The following COL5A1 variants were observed in gnomAD, a reference collection of about 807,000 sequenced individuals.
COL5A1 encodes collagen type V alpha 1 chain.
In COL5A1, 16 loss-of-function variants were observed where a neutral mutation model predicts 263.7. The observed-to-expected ratio is 0.06, with a 90% confidence interval of 0.04 to 0.09. The LOEUF (loss-of-function observed/expected upper bound fraction) is 0.09, where lower values mean the gene tolerates loss of function less well. Ranked by LOEUF, COL5A1 falls within the 10% of genes least tolerant of loss-of-function variation. The pLI, the probability that COL5A1 is intolerant of heterozygous loss-of-function variation, is 1.00. For synonymous variants in COL5A1, 1,012 were observed against 1,004.5 expected (o/e 1.01, Z -0.14); for missense variants, 2,036 against 2,540.5 (o/e 0.80, Z 4.27).
At chr9:134,715,869 G>A (rs1353752424) in intron 4 of COL5A1, among the ~76,000 whole-genome samples, 2 of 152,168 alleles carry the variant, frequency 1.3e-5, no homozygotes, top group Admixed American at 6.5e-5. Context: ...CACAGCAACA[G>A]TCTGATCTCT....
chr9:134,783,844 A>G lies in COL5A1; in HGVS notation c.2484+1124A>G, dbSNP rs79359561. Among the ~76,000 whole-genome samples, 188 of 152,338 alleles carry G rather than the reference A, an allele frequency of 1.2e-3. 1 individual carries two copies. The highest frequency in any genetic ancestry group is 4.3e-3 in the African/African-American group (180 of 41,588). On this transcript the variant is annotated intron_variant, in intron 29 of 65. Transcript: ENST00000371817. ...ATTCTAGAACTTCTTTCCTAGTAGA[A>G]GGCTCCTGAATCCCCACATCCCAGC...
Position 134,731,477 on chromosome 9 carries a change from C to T in COL5A1, c.1165-19C>T, listed in dbSNP as rs776226590. 15 of 1,613,630 alleles carry T rather than the reference C, an allele frequency of 9.3e-6. No individual in the cohort carries two copies. In the African/African-American group the frequency reaches 1.1e-4, roughly 11 times the overall value. The stretch of plus-strand genomic sequence containing the variant: ...GGTGCGTTTGCGAGGCAACCCTGCG[C>T]CTTCCTCTCCCTCTGCAGCCAGCTC... On this transcript the variant is annotated intron_variant, in intron 7 of 65. Coordinates refer to ENST00000371817, the MANE Select transcript of COL5A1 (RefSeq NM_000093.5).
chr9:134,703,314 C>T (rs935816328), intron 4 of COL5A1, among the ~76,000 whole-genome samples: 3 of 152,212 alleles, frequency 2.0e-5, no homozygotes, highest in South Asian at 2.1e-4. Context: ...GCACAGGAGC[C>T]GTCCTCAGCC....
chr9:134,671,636 G>A (rs2132514704), intron 1 of COL5A1, among the ~76,000 whole-genome samples: 1 of 152,352 alleles, frequency 6.6e-6, no homozygotes, highest in East Asian at 1.9e-4. Flanking sequence ...CCCCTCGGAT[G>A]GGTGTGAGGA....
chr9:134,739,490 G>A (rs768884917), intron 11 of COL5A1, among the ~76,000 whole-genome samples: 1 of 152,240 alleles, frequency 6.6e-6, no homozygotes, highest in African/African-American at 2.4e-5. Context: ...GGGTGTTCAC[G>A]CCAGGGCCCT....
rs1835941590 is a variant in COL5A1, at chr9:134,755,680, T to C, written c.1828-1085T>C. Among the ~76,000 whole-genome samples the C allele has an allele frequency of 6.6e-6, 1 of 152,256 alleles. No homozygotes were observed. Among genetic ancestry groups the C allele is most frequent in the Admixed American group, 6.5e-5 (1 of 15,288 alleles). On this transcript the variant is annotated intron_variant, in intron 16 of 65. Transcript: ENST00000371817. This position sits in a 1 kb window ranked among gnomAD's most constrained non-coding sequence, Gnocchi z 4.1. ...ACAATCTTCCCTTGGTTTCTAAAAG[T>C]GTTTGGAAATCTAGAAGAGGCTCCC...
At chr9:134,745,260 T>C (rs1263490540) in intron 11 of COL5A1, among the ~76,000 whole-genome samples, 1 of 152,142 alleles carries the variant, frequency 6.6e-6, no homozygotes, top group Non-Finnish European at 1.5e-5. Flanking sequence ...GAAAATCAAG[T>C]ACAGTTTGTG....
Position 134,743,240 on chromosome 9 carries a change from A to G in COL5A1, c.1494+4432A>G, listed in dbSNP as rs114037370. Reference sequence around the variant, plus strand: ...CCAGTGTTACTGTGGATTTGATTGCATTTTTCAGGATGCTGTGGCCAAACT... The same window carrying G: ...CCAGTGTTACTGTGGATTTGATTGCGTTTTTCAGGATGCTGTGGCCAAACT... On this transcript the variant is annotated intron_variant, in intron 11 of 65. Transcript: ENST00000371817. Among the ~76,000 whole-genome samples the G allele has an allele frequency of 2.9e-3, 440 of 152,138 alleles. 4 individuals are homozygous for G. Among genetic ancestry groups the G allele is most frequent in the African/African-American group, 9.9e-3 (413 of 41,520 alleles).
chr9:134,839,895 A>T (rs957664534), intron 65 of COL5A1, among the ~76,000 whole-genome samples: 2 of 152,026 alleles, frequency 1.3e-5, no homozygotes, highest in East Asian at 3.9e-4. Context: ...AGCTGTGGCC[A>T]CCCCCAGGCG....
chr9:134,689,944 A>T (rs1380131029), intron 1 of COL5A1, among the ~76,000 whole-genome samples: 1 of 152,082 alleles, frequency 6.6e-6, no homozygotes, highest in Non-Finnish European at 1.5e-5. Flanking sequence ...TTCCCATAAA[A>T]CTGACCTTGT....
Position 134,741,203 on chromosome 9 carries a change from C to G in COL5A1, c.1494+2395C>G, listed in dbSNP as rs1340895556. ...GGTGGGCCGGGCTCAGGTGCCTGTG[C>G]GGCGGAGAAACAACATTGTCTCTGC... On this transcript the variant is annotated intron_variant, in intron 11 of 65. Coordinates refer to ENST00000371817, the MANE Select transcript of COL5A1 (RefSeq NM_000093.5). The surrounding 1 kb of genome is among the most constrained non-coding windows in gnomAD (Gnocchi z 4.5). 6.6e-6 allele frequency among the ~76,000 whole-genome samples: 1 copy of G among 152,200 alleles called. No homozygotes were observed. The highest frequency in any genetic ancestry group is 2.4e-5 in the African/African-American group (1 of 41,452).
At position 134,708,480 on chromosome 9, in the gene COL5A1, G is replaced by C. The variant is rs144840554; in HGVS notation, c.654+7147G>C. 33 of 456,484 alleles carry C rather than the reference G, an allele frequency of 7.2e-5. No individual in the cohort carries two copies. The East Asian group carries it at 1.4e-3, about 20-fold the overall frequency. 28.3% of individuals were successfully genotyped at this position (456,484 alleles called of 1,614,324 possible). On this transcript the variant is annotated intron_variant, in intron 4 of 65. Coordinates refer to ENST00000371817, the MANE Select transcript of COL5A1 (RefSeq NM_000093.5). The stretch of plus-strand genomic sequence containing the variant: ...GACACTGTCACCCTTCTAGGTCCTC[G>C]GTCCAAGACCCGCATCTACCCAGCC...
chr9:134,784,681 G>C (rs937716397), intron 29 of COL5A1, among the ~76,000 whole-genome samples: 1 of 152,256 alleles, frequency 6.6e-6, no homozygotes, highest in Non-Finnish European at 1.5e-5. Flanking sequence ...TAGCTAAGAG[G>C]CACTCAATTT....
Position 134,696,213 on chromosome 9 carries a change from G to A in COL5A1, c.278-3696G>A, listed in dbSNP as rs541657235. On this transcript the variant is annotated intron_variant, in intron 2 of 65. Transcript: ENST00000371817. The surrounding 1 kb of genome is among the most constrained non-coding windows in gnomAD (Gnocchi z 4.3). ...TATTGAGACAGAGTCTCACTCTGTC[G>A]CCCAGGCTGGAGTGCAGTGGTGTAA... Among the ~76,000 whole-genome samples, 35 of 152,078 alleles carry A rather than the reference G, an allele frequency of 2.3e-4. No homozygotes were observed. Among genetic ancestry groups the A allele is most frequent in the South Asian group, 8.3e-4 (4 of 4,804 alleles).
intron 17 of COL5A1, 149 bp downstream of exon 17, chr9:134,756,967 G>A: frequency 1.2e-6 from 1 of 812,728 alleles, no homozygotes; most frequent in South Asian, 1.4e-5. Context: ...AGATAGGGTT[G>A]GTGGGTGAAT....
At chr9:134,701,356 C>A in intron 4 of COL5A1, 23 bp downstream of exon 4, 1 of 1,610,816 alleles carries the variant, frequency 6.2e-7, no homozygotes, top group East Asian at 2.2e-5. Flanking sequence ...GCAGACCAAC[C>A]CCTGTGCCCA....
At chr9:134,693,049 G>A (rs745530486) in intron 2 of COL5A1, among the ~76,000 whole-genome samples, 6 of 152,092 alleles carry the variant, frequency 3.9e-5, no homozygotes, top group Non-Finnish European at 8.8e-5. Flanking sequence ...CTCCAGCCTG[G>A]GTGAGAGTGA....
chr9:134,660,699 A>G (rs1043695456), intron 1 of COL5A1, among the ~76,000 whole-genome samples: 4 of 152,334 alleles, frequency 2.6e-5, no homozygotes, highest in East Asian at 3.9e-4. Flanking sequence ...CCTCAAAACC[A>G]TAACTTTCTT....
chr9:134,819,517 T>A (rs1838906069), intron 57 of COL5A1, among the ~76,000 whole-genome samples: 1 of 152,162 alleles, frequency 6.6e-6, no homozygotes, highest in Non-Finnish European at 1.5e-5. Context: ...AGTGAGATGG[T>A]TGTATATGAA....
Sources: allele counts gnomAD v4.1 joint callset (sites outside exome capture counted in the v4.1 genomes callset), GRCh38; gene constraint gnomAD v4.1.1; non-coding constraint Gnocchi (gnomAD v3.1); transcripts MANE v1.5; gene names NCBI Gene and HGNC (gene_info 2026-07-23, HGNC 2026-07-21).